The following ABI3BP variants were observed in gnomAD, a reference collection of about 807,000 sequenced individuals.
ABI3BP encodes the protein ABI family member 3 binding protein.
In ABI3BP, 216 loss-of-function variants were observed where a neutral mutation model predicts 268.6. The ratio of observed to expected loss-of-function variants is 0.80; its 90% CI spans 0.72 to 0.90. The LOEUF is 0.90. ABI3BP is among the 40% of genes least tolerant of loss of function. ABI3BP has a pLI of 0.00. For synonymous variants in ABI3BP, 730 were observed against 730.0 expected (o/e 1.00, Z 0.00); for missense variants, 2,090 against 2,182.4 (o/e 0.96, Z 0.84).
In ABI3BP at chr3:100,812,505, G is replaced by T. The variant is rs766384343; in HGVS notation, c.3383C>A (p.Ser1128Ter). 12 of 1,329,952 alleles carry T rather than the reference G, an allele frequency of 9.0e-6. No homozygotes were observed. Among genetic ancestry groups the T allele is most frequent in the Admixed American group, 3.5e-5 (1 of 28,910 alleles). 82.4% of individuals were successfully genotyped at this position (1,329,952 alleles called of 1,614,324 possible). A position where few individuals can be genotyped will look rare whatever the true frequency, so the allele number is the denominator to read the frequency against. The change falls in exon 46 of 68, where the codon TCG (serine) becomes TAG (stop). Residue 1128 changes from serine (S) to a stop codon, truncating the protein, a stop_gained. Transcript: ENST00000471714. LOFTEE classifies it high-confidence loss of function. Reference protein sequence around the residue: ...ESQPVSDVLESVTLSTESPKE... With the variant: ...ESQPVSDVLE The stretch of plus-strand genomic sequence containing the variant: ...TGGTGACTCAGTACTAAGTGTAACC[G>T]ATTCCAGAACATCAGAAACTAGTAA...
chr3:100,886,616 AC>A, intron 4 of ABI3BP, among the ~76,000 whole-genome samples: 1 of 152,104 alleles, frequency 6.6e-6, no homozygotes, highest in East Asian at 1.9e-4. Context: ...AAGTTGGAAA[AC>A]ACTAGAAAAA....
At chr3:100,858,955 A>G (rs1046609851) in intron 14 of ABI3BP, among the ~76,000 whole-genome samples, 1 of 152,128 alleles carries the variant, frequency 6.6e-6, no homozygotes, top group Non-Finnish European at 1.5e-5. Flanking sequence ...CTTGCCTTCT[A>G]ATTAATTATG....
At chr3:100,829,252 G>A (rs1470677892) in intron 33 of ABI3BP, among the ~76,000 whole-genome samples, 1 of 152,068 alleles carries the variant, frequency 6.6e-6, no homozygotes, top group Non-Finnish European at 1.5e-5. Context: ...GCCAACTCCT[G>A]CCTTAGATCC....
At chr3:100,942,550 T>G (rs1035452292) in intron 1 of ABI3BP, among the ~76,000 whole-genome samples, 3 of 152,120 alleles carry the variant, frequency 2.0e-5, no homozygotes, top group Non-Finnish European at 4.4e-5. Flanking sequence ...CTCATTTCCC[T>G]TCTTTTTGTT....
chr3:100,913,004 T>C (rs1347735557), intron 2 of ABI3BP, among the ~76,000 whole-genome samples: 1 of 152,114 alleles, frequency 6.6e-6, no homozygotes, highest in African/African-American at 2.4e-5. Context: ...AAGAAGTCAG[T>C]CTAGGCAGAG....
In ABI3BP at chr3:100,837,618, G is replaced by A. The variant is rs180851610; in HGVS notation, c.2084-447C>T. Among the ~76,000 whole-genome samples the A allele has an allele frequency of 1.1e-3, 175 of 152,196 alleles. 2 individuals carry two copies. In the East Asian group the frequency reaches 0.032, roughly 28 times the overall value. On this transcript the variant is annotated intron_variant, in intron 26 of 67. Transcript: ENST00000471714. Reference sequence around the variant, plus strand: ...CTAAAAATACAAAAATTAGCCTGGTGTGGTGGTGGGTGCCTGTAGTCCCAG... The same window carrying A: ...CTAAAAATACAAAAATTAGCCTGGTATGGTGGTGGGTGCCTGTAGTCCCAG...
chr3:100,838,257 G>A lies in ABI3BP; in HGVS notation c.2036C>T (p.Pro679Leu), dbSNP rs1210855122. 2 of 1,536,492 alleles carry A rather than the reference G, an allele frequency of 1.3e-6. No individual in the cohort carries two copies. Among genetic ancestry groups the A allele is most frequent in the South Asian group, 1.2e-5 (1 of 84,058 alleles). The change falls in exon 26 of 68, where the codon CCT becomes CTT. Residue 679 changes from proline to leucine, a missense_variant. Pro to Leu is a moderately conservative substitution (Grantham distance 98). Transcript: ENST00000471714. ...TGGTTCTGCTGTGGTTTGGGGTTTAGGAAGTAATTGTTTTGGTGGTTTTGA... is the reference window on the plus strand; with the variant it reads ...TGGTTCTGCTGTGGTTTGGGGTTTAAGAAGTAATTGTTTTGGTGGTTTTGA... ...PGSKPPKQLLPKPQTTAEPDM... is the reference protein window; with the variant it reads ...PGSKPPKQLLLKPQTTAEPDM...
In ABI3BP at chr3:100,778,372, A is replaced by G; in HGVS notation, c.4245T>C (p.Thr1415=). 2 of 1,608,346 alleles carry G rather than the reference A, an allele frequency of 1.2e-6. No individual in the cohort carries two copies. Among genetic ancestry groups the G allele is most frequent in the Non-Finnish European group, 1.7e-6 (2 of 1,177,532 alleles). Residue 1415 remains threonine, a synonymous_variant, in exon 59 of 68, where the codon ACT becomes ACC. Coordinates refer to ENST00000471714, the MANE Select transcript of ABI3BP (RefSeq NM_001375547.2). ...DSTHPTKKPG[T]RRPPLPPRPT... Reference sequence around the variant, plus strand: ...GTCTGGGTGGCAAGGGTGGGCGGCGAGTCCCTGGGATTGTGGATAAGAGAT... The same window carrying G: ...GTCTGGGTGGCAAGGGTGGGCGGCGGGTCCCTGGGATTGTGGATAAGAGAT...
intron 1 of ABI3BP, among the ~76,000 whole-genome samples, chr3:100,951,636 T>C (rs1312046252): frequency 6.6e-6 from 1 of 151,952 alleles, no homozygotes; most frequent in African/African-American, 2.4e-5. Flanking sequence ...TGTGTCACAG[T>C]CCTAGGCACC....
intron 14 of ABI3BP, among the ~76,000 whole-genome samples, chr3:100,856,894 T>C (rs1359258453): frequency 1.3e-5 from 2 of 152,154 alleles, no homozygotes; most frequent in Non-Finnish European, 2.9e-5. Flanking sequence ...AGCAAGTTGA[T>C]AGTGGCATTA....
chr3:100,878,158 G>A (rs1403385962), intron 6 of ABI3BP, among the ~76,000 whole-genome samples: 1 of 151,882 alleles, frequency 6.6e-6, no homozygotes, highest in African/African-American at 2.4e-5. Flanking sequence ...CAAAAATAGA[G>A]GTTTTATTAA....
intron 1 of ABI3BP, among the ~76,000 whole-genome samples, chr3:100,942,516 G>A (rs969956880): frequency 6.6e-6 from 1 of 152,050 alleles, no homozygotes; most frequent in Non-Finnish European, 1.5e-5. Context: ...AAAGTAACCC[G>A]ATAGGCTAAG....
chr3:100,948,669 AC>A (rs1363673500), intron 1 of ABI3BP, among the ~76,000 whole-genome samples: 2 of 152,032 alleles, frequency 1.3e-5, no homozygotes, highest in Non-Finnish European at 1.5e-5. Flanking sequence ...CCTTTCCTCT[AC>A]CCCAATAATA....
chr3:100,980,063 A>G (rs898984193), intron 1 of ABI3BP, among the ~76,000 whole-genome samples: 1 of 152,210 alleles, frequency 6.6e-6, no homozygotes, highest in African/African-American at 2.4e-5. Flanking sequence ...AAATGGGATA[A>G]TGTTCAAAAT....
chr3:100,875,636 C>A, intron 7 of ABI3BP, 57 bp from the exon 8 acceptor site: 3 of 1,268,422 alleles, frequency 2.4e-6, no homozygotes, highest in Non-Finnish European at 3.5e-6. Context: ...CAGTAAGAAG[C>A]TAATAATGTG....
At chr3:100,981,021 C>T (rs750010055) in intron 1 of ABI3BP, among the ~76,000 whole-genome samples, 5 of 152,246 alleles carry the variant, frequency 3.3e-5, no homozygotes, top group Admixed American at 6.5e-5. Context: ...TGCCACCCTT[C>T]GAGGGACATA....
At chr3:100,820,881 A>T (rs962989428) in intron 39 of ABI3BP, among the ~76,000 whole-genome samples, 173 bp downstream of exon 39, 4 of 152,218 alleles carry the variant, frequency 2.6e-5, no homozygotes, top group Non-Finnish European at 5.9e-5. Flanking sequence ...TTAAAAACAA[A>T]GGGTGATTTA....
rs1479946773 is a variant in ABI3BP, at chr3:100,957,541, G to A, written c.80-31060C>T. Reference sequence around the variant, plus strand: ...TGTTGGTATTTAGACGGTATTTAAAGTCATAAGACTAGATGAGATCACCAA... The same window carrying A: ...TGTTGGTATTTAGACGGTATTTAAAATCATAAGACTAGATGAGATCACCAA... On this transcript the variant is annotated intron_variant, in intron 1 of 67. Coordinates refer to ENST00000471714, the MANE Select transcript of ABI3BP (RefSeq NM_001375547.2). Among the ~76,000 whole-genome samples the A allele has an allele frequency of 2.0e-5, 3 of 152,278 alleles. No homozygotes were observed. In the East Asian group the frequency reaches 5.8e-4, roughly 29 times the overall value.
intron 1 of ABI3BP, among the ~76,000 whole-genome samples, chr3:100,938,884 A>C (rs544307186): frequency 1.8e-4 from 27 of 152,078 alleles, no homozygotes; most frequent in Non-Finnish European, 3.1e-4. Flanking sequence ...AGAACAAAGT[A>C]GGTAAAAGGA....
Sources: gnomAD v4.1 joint callset for allele counts (sites outside exome capture counted in the v4.1 genomes callset) on GRCh38, gnomAD v4.1.1 for gene constraint, MANE v1.5 for transcripts, NCBI Gene and HGNC (gene_info 2026-07-23, HGNC 2026-07-21) for gene names.